Variants in UBTD2 observed in about 807,000 individuals in gnomAD.
UBTD2 encodes the protein ubiquitin domain-containing protein 2.
In UBTD2, 9 loss-of-function variants were observed where a neutral mutation model predicts 19.8. The ratio of observed to expected loss-of-function variants is 0.46; its 90% CI spans 0.27 to 0.79. UBTD2 has a LOEUF of 0.79. Ranked by LOEUF, UBTD2 falls within the 30% of genes least tolerant of loss-of-function variation. The pLI, the probability that UBTD2 is intolerant of heterozygous loss-of-function variation, is 0.14. For synonymous variants in UBTD2, 98 were observed against 103.9 expected, an observed-to-expected ratio of 0.94 and a Z score of 0.35; for missense variants, 250 against 300.4, an observed-to-expected ratio of 0.83 and a Z score of 1.24.
Position 172,211,083 on chromosome 5 carries a change from G to GT in UBTD2, c.*746dup, listed in dbSNP as rs1561846644. On this transcript the variant is annotated 3_prime_UTR_variant, in exon 3 of 3. Coordinates refer to ENST00000393792, the MANE Select transcript of UBTD2 (RefSeq NM_152277.3). ...AAGATGACAGCGACTTTTCAACTGA[G>GT]TATCTGTTGAAACTCAAGAGACCTG... 6.6e-6 allele frequency: 1 copy of GT among 152,136 alleles called. No individual in the cohort carries two copies. The highest frequency in any genetic ancestry group is 2.4e-5 in the African/African-American group (1 of 41,410). 9.4% of individuals were successfully genotyped at this position (152,136 alleles called of 1,614,324 possible).
At position 172,212,238 on chromosome 5, in the gene UBTD2, A is replaced by G; in HGVS notation, c.308-11T>C. 6.4e-7 allele frequency: 1 copy of G among 1,573,476 alleles called. No homozygotes were observed. Among genetic ancestry groups the G allele is most frequent in the Non-Finnish European group, 8.6e-7 (1 of 1,157,942 alleles). On this transcript the variant is annotated splice_polypyrimidine_tract_variant and intron_variant, in intron 2 of 2. Transcript: ENST00000393792. ...ACTCTGTAAGTGCACCTTCAGAAAG[A>G]GAAGATATGAATAAGAACTTAATCC...
intron 1 of UBTD2, among the ~76,000 whole-genome samples, chr5:172,271,505 C>G (rs928652929): frequency 1.3e-5 from 2 of 151,036 alleles, no homozygotes; most frequent in Admixed American, 1.4e-4. Context: ...CCCCCCACTC[C>G]TCCTTGAACT....
At chr5:172,276,608 C>T (rs1407951753) in intron 1 of UBTD2, among the ~76,000 whole-genome samples, 7 of 152,104 alleles carry the variant, frequency 4.6e-5, no homozygotes, top group African/African-American at 1.7e-4. Flanking sequence ...CAGTCCCCCA[C>T]GCCTTCTGAC....
chr5:172,253,658 T>C (rs1755075827), intron 1 of UBTD2, among the ~76,000 whole-genome samples: 1 of 151,960 alleles, frequency 6.6e-6, no homozygotes, highest in African/African-American at 2.4e-5. Context: ...TTCACGTTTT[T>C]GGCCAGGATG....
intron 2 of UBTD2, among the ~76,000 whole-genome samples, chr5:172,227,070 G>C (rs1771781977): frequency 6.6e-6 from 1 of 152,112 alleles, no homozygotes; most frequent in Non-Finnish European, 1.5e-5. Flanking sequence ...TGAACACAGT[G>C]GTCTGTGTAA....
intron 1 of UBTD2, among the ~76,000 whole-genome samples, chr5:172,273,581 A>C (rs1755543776): frequency 3.3e-5 from 4 of 122,790 alleles, no homozygotes; most frequent in East Asian, 2.6e-4. Context: ...ACAGAGTGAG[A>C]CTCCGTCTCA....
chr5:172,262,991 G>A (rs1439796704), intron 1 of UBTD2, among the ~76,000 whole-genome samples: 2 of 152,054 alleles, frequency 1.3e-5, no homozygotes, highest in Non-Finnish European at 2.9e-5. Flanking sequence ...AGAGTGGAGT[G>A]CAGTGGTATG....
At chr5:172,221,188 T>C (rs1771642747) in intron 2 of UBTD2, among the ~76,000 whole-genome samples, 1 of 152,138 alleles carries the variant, frequency 6.6e-6, no homozygotes. Flanking sequence ...AGTCTATAGA[T>C]TTGATGCAAA....
chr5:172,265,060 C>CT (rs1561864992), intron 1 of UBTD2, among the ~76,000 whole-genome samples: 2 of 152,184 alleles, frequency 1.3e-5, no homozygotes, highest in Non-Finnish European at 2.9e-5. Flanking sequence ...GCTGAATAGG[C>CT]TATACATGCA....
intron 2 of UBTD2, among the ~76,000 whole-genome samples, chr5:172,223,200 A>G (rs2113880180): frequency 6.6e-6 from 1 of 152,354 alleles, no homozygotes; most frequent in East Asian, 1.9e-4. Flanking sequence ...TCCAGGTTCC[A>G]TGAGATGCTT....
chr5:172,216,025 G>A (rs879135702), intron 2 of UBTD2, among the ~76,000 whole-genome samples: 3 of 152,064 alleles, frequency 2.0e-5, no homozygotes, highest in Admixed American at 6.6e-5. Context: ...TTAGCCGAGC[G>A]TGGTGGCAGG....
chr5:172,216,320 G>A (rs905287527), intron 2 of UBTD2, among the ~76,000 whole-genome samples: 3 of 151,584 alleles, frequency 2.0e-5, no homozygotes, highest in East Asian at 1.9e-4. Flanking sequence ...CAGCAGAGAA[G>A]AACAAGAGAA....
chr5:172,281,350 T>G (rs1755711179), intron 1 of UBTD2, among the ~76,000 whole-genome samples: 2 of 151,744 alleles, frequency 1.3e-5, no homozygotes, highest in African/African-American at 4.9e-5. Context: ...TTTTAAAAAT[T>G]AGCCGGGTGC....
chr5:172,235,902 A>G (rs1771999224), intron 1 of UBTD2, among the ~76,000 whole-genome samples: 1 of 152,196 alleles, frequency 6.6e-6, no homozygotes. Flanking sequence ...GCGAGTGGGA[A>G]GGAGAGAGGG....
At chr5:172,254,605 CTT>C (rs1300671139) in intron 1 of UBTD2, 2 of 647,740 alleles carry the variant, frequency 3.1e-6, no homozygotes, top group Non-Finnish European at 5.5e-6. Flanking sequence ...TTAGCGTACA[CTT>C]TGTTGCATCC....
chr5:172,280,675 GT>G (rs1169089805), intron 1 of UBTD2, among the ~76,000 whole-genome samples: 2 of 151,970 alleles, frequency 1.3e-5, no homozygotes, highest in East Asian at 1.9e-4. Context: ...AAAAATAAAA[GT>G]TTTTTTATTT....
At chr5:172,237,845 T>C (rs1166645440) in intron 1 of UBTD2, among the ~76,000 whole-genome samples, 13 of 152,266 alleles carry the variant, frequency 8.5e-5, no homozygotes. Flanking sequence ...AGAGGTACTA[T>C]ATGAAATAAC....
chr5:172,243,812 C>T (rs1772181171), intron 1 of UBTD2, among the ~76,000 whole-genome samples: 2 of 151,988 alleles, frequency 1.3e-5, no homozygotes, highest in Non-Finnish European at 2.9e-5. Flanking sequence ...ATCCACCCGC[C>T]TCGGCCTCCC....
intron 1 of UBTD2, among the ~76,000 whole-genome samples, chr5:172,253,834 A>G (rs549152853): frequency 6.6e-6 from 1 of 152,094 alleles, no homozygotes; most frequent in Non-Finnish European, 1.5e-5. Flanking sequence ...GACAACTGAC[A>G]ATTGATTATG....
Sources: allele counts gnomAD v4.1 joint callset (sites outside exome capture counted in the v4.1 genomes callset), GRCh38; gene constraint gnomAD v4.1.1; transcripts MANE v1.5; gene names NCBI Gene and HGNC (gene_info 2026-07-23, HGNC 2026-07-21).